The following SHISA7 variants were observed in gnomAD, a reference collection of about 807,000 sequenced individuals.
SHISA7 encodes the protein protein shisa-7.
SHISA7 carries 6 observed loss-of-function variants against 23.9 expected under a neutral mutation model. That is an observed-to-expected ratio of 0.25 (90% CI 0.14 to 0.50). SHISA7 has a LOEUF of 0.50. SHISA7 is among the 20% of genes least tolerant of loss of function. The probability of loss-of-function intolerance (pLI) is 0.98; values close to 1 mark genes in which losing one functional copy is unlikely to be tolerated. For missense variants in SHISA7, 671 were observed against 801.1 expected (o/e 0.84, Z 1.96); for synonymous variants, 386 against 398.3 (o/e 0.97, Z 0.37).
At chr19:55,434,858 T>C (rs1342529213) in intron 3 of SHISA7, among the ~76,000 whole-genome samples, 2 of 90,636 alleles carry the variant, frequency 2.2e-5, no homozygotes, top group Non-Finnish European at 4.2e-5. Context: ...TGCGTGTGTG[T>C]ATATGTGGTG....
At position 55,442,825 on chromosome 19, in the gene SHISA7, G is replaced by T; in HGVS notation, c.39C>A (p.Ser13Arg). Residue 13 changes from serine to arginine, a missense_variant, in exon 1 of 4, where the codon AGC (serine) becomes AGA (arginine). Around this residue, in one of 5 missense-constraint regions of SHISA7, gnomAD observed 96 missense variants for 113.1 expected, o/e 0.85. Transcript: ENST00000376325. ...ACGGGCGCGCCCTGGCCTGGCCGGC[G>T]CTAGAGGCCAGGAGTACGAGGAGCA... ...ALLLLVLLAS[S>R]AGQARARPSN... The T allele has an allele frequency of 7.2e-7, 1 of 1,389,692 alleles. No individual in the cohort carries two copies. The highest frequency in any genetic ancestry group is 9.3e-7 in the Non-Finnish European group (1 of 1,072,992). 86.1% of individuals were successfully genotyped at this position (1,389,692 alleles called of 1,614,324 possible).
In SHISA7 at chr19:55,429,938, C is replaced by CG. The variant is rs1277879537; in HGVS notation, c.*3217dup. 1 of 152,238 alleles carries CG rather than the reference C, an allele frequency of 6.6e-6. No homozygotes were observed. Among genetic ancestry groups the CG allele is most frequent in the Admixed American group, 6.6e-5 (1 of 15,266 alleles). 9.4% of individuals were successfully genotyped at this position (152,238 alleles called of 1,614,324 possible). ...CGGTCACCAGCTTTGACCTATCCCG[C>CG]GGGGGTCAGGGATCTCTGAGGAGAA... On this transcript the variant is annotated 3_prime_UTR_variant, in exon 4 of 4. Transcript: ENST00000376325.
chr19:55,435,954 ATG>A (rs113452084), intron 3 of SHISA7, among the ~76,000 whole-genome samples: 15,002 of 70,382 alleles, frequency 0.21, 1,453 homozygotes, highest in African/African-American at 0.36. Flanking sequence ...AAATATACAC[ATG>A]TGTGTGTGTG....
At position 55,442,636 on chromosome 19, in the gene SHISA7, G is replaced by T; in HGVS notation, c.228C>A (p.Pro76=). 1 of 1,357,204 alleles carries T rather than the reference G, an allele frequency of 7.4e-7. No individual in the cohort carries two copies. Among genetic ancestry groups the T allele is most frequent in the Non-Finnish European group, 9.6e-7 (1 of 1,040,290 alleles). 84.1% of individuals were successfully genotyped at this position (1,357,204 alleles called of 1,614,324 possible). A position where few individuals can be genotyped will look rare whatever the true frequency, so the allele number is the denominator to read the frequency against. The part of the protein sequence containing the change: ...AGGAGAAARA[P]PPAELCHGYY... The stretch of plus-strand genomic sequence containing the variant: ...AGCCGTGGCAGAGCTCGGCGGGAGG[G>T]GGCGCCCGGGCCGCCGCGCCCGCCC... The change falls in exon 1 of 4, where the codon CCC becomes CCA. Residue 76 remains proline (P), a synonymous_variant. Transcript: ENST00000376325.
chr19:55,437,591 T>C lies in SHISA7; in HGVS notation c.976+14A>G. 1 of 1,549,246 alleles carries C rather than the reference T, an allele frequency of 6.5e-7. No individual in the cohort carries two copies. The highest frequency in any genetic ancestry group is 1.2e-5 in the South Asian group (1 of 83,850). ...CCTCCCCTTCACCGCCGCGCTGCCC[T>C]TGCCAGGACTCACCCAGCCTCTTGA... On this transcript the variant is annotated intron_variant, in intron 3 of 3. Coordinates refer to ENST00000376325, the MANE Select transcript of SHISA7 (RefSeq NM_001145176.2).
chr19:55,433,934 C>A lies in SHISA7; in HGVS notation c.977-138G>T. 1 of 997,862 alleles carries A rather than the reference C, an allele frequency of 1.0e-6. No individual in the cohort carries two copies. The highest frequency in any genetic ancestry group is 1.3e-6 in the Non-Finnish European group (1 of 752,628). 61.8% of individuals were successfully genotyped at this position (997,862 alleles called of 1,614,324 possible). A position where few individuals can be genotyped will look rare whatever the true frequency, so the allele number is the denominator to read the frequency against. On this transcript the variant is annotated intron_variant, in intron 3 of 3. Transcript: ENST00000376325. The surrounding 1 kb of genome is among the most constrained non-coding windows in gnomAD (Gnocchi z 8.4). ...CTGGGCATCAGGCTAGCTGTGAGGC[C>A]AAAATGCAGATTCCCAGGCCCAGCC... is the stretch of plus-strand genomic sequence containing the variant.
intron 3 of SHISA7, among the ~76,000 whole-genome samples, chr19:55,436,158 G>A (rs1316871930): frequency 1.3e-5 from 2 of 151,734 alleles, no homozygotes; most frequent in Non-Finnish European, 2.9e-5. Flanking sequence ...GTGGTGGCAT[G>A]TGCCTGTAAT....
At position 55,433,450 on chromosome 19, in the gene SHISA7, G is replaced by T. The variant is rs1437949237; in HGVS notation, c.1323C>A (p.Pro441=). Residue 441 remains proline, a synonymous_variant, in exon 4 of 4, where the codon CCC becomes CCA. Transcript: ENST00000376325. The surrounding 1 kb of genome is among the most constrained non-coding windows in gnomAD (Gnocchi z 8.4). ...PPRSPALPPD[P]TARASLAASH... ...AGGCGGCCAGGCTGGCCCGGGCGGT[G>T]GGGTCGGGGGGCAGCGCGGGGCTGC... 1.5e-6 allele frequency: 2 copies of T among 1,340,376 alleles called. No individual in the cohort carries two copies. Among genetic ancestry groups the T allele is most frequent in the South Asian group, 3.8e-5 (2 of 52,304 alleles). The allele number at this position is 1,340,376 out of a possible 1,614,324, so 83.0% of individuals were successfully genotyped here. A position where few individuals can be genotyped will look rare whatever the true frequency, so the allele number is the denominator to read the frequency against.
intron 3 of SHISA7, among the ~76,000 whole-genome samples, chr19:55,434,622 T>G (rs1985339385): frequency 1.0e-5 from 1 of 96,608 alleles, no homozygotes; most frequent in African/African-American, 4.1e-5. Flanking sequence ...GTATGGCGTG[T>G]GTGTGTGGTG....
intron 3 of SHISA7, among the ~76,000 whole-genome samples, chr19:55,435,766 TAA>T (rs771028711): frequency 3.8e-4 from 49 of 130,288 alleles, no homozygotes; most frequent in Admixed American, 3.1e-4. Flanking sequence ...CTTGTCTCGT[TAA>T]AAAAAAAAAA....
chr19:55,434,437 TGTG>T (rs1457173854), intron 3 of SHISA7, among the ~76,000 whole-genome samples: 1 of 114,718 alleles, frequency 8.7e-6, no homozygotes, highest in Non-Finnish European at 1.7e-5. Flanking sequence ...GTGTGTGTGG[TGTG>T]TGTGTGTGGG....
intron 2 of SHISA7, chr19:55,438,717 C>A: frequency 2.7e-6 from 3 of 1,091,606 alleles, no homozygotes; most frequent in Non-Finnish European, 3.8e-6. Flanking sequence ...ACTCTGGCCC[C>A]AAGGTCGGCC....
Position 55,433,267 on chromosome 19 carries a change from G to C in SHISA7, c.1506C>G (p.Ala502=). The C allele has an allele frequency of 6.6e-7, 1 of 1,517,746 alleles. No individual in the cohort carries two copies. 94.0% of individuals were successfully genotyped at this position (1,517,746 alleles called of 1,614,324 possible). A position where few individuals can be genotyped will look rare whatever the true frequency, so the allele number is the denominator to read the frequency against. ...CCTGGCGCTGGAAGGGCGGCCTGCG[G>C]GCCAGTGTGCCCCCGCCCCCGCCGG... ...SDAGGGGGTL[A]RRPPFQRQGT... is the part of the protein sequence containing the mutation. Residue 502 remains alanine (A), a synonymous_variant, in exon 4 of 4, where the codon GCC becomes GCG. Transcript: ENST00000376325. The surrounding 1 kb of genome is among the most constrained non-coding windows in gnomAD (Gnocchi z 8.4).
chr19:55,433,733 A>G lies in SHISA7; in HGVS notation c.1040T>C (p.Leu347Pro). 6.8e-7 allele frequency: 1 copy of G among 1,467,640 alleles called. No individual in the cohort carries two copies. Among genetic ancestry groups the G allele is most frequent in the Non-Finnish European group, 8.9e-7 (1 of 1,118,300 alleles). 90.9% of individuals were successfully genotyped at this position (1,467,640 alleles called of 1,614,324 possible). ...RRPLELPRGT[L>P]PLHALRRPGT... The stretch of plus-strand genomic sequence containing the variant: ...CGGCCGCCGCAGCGCGTGCAGGGGC[A>G]GCGTGCCGCGGGGCAATTCCAGGGG... Residue 347 changes from leucine to proline, a missense_variant, in exon 4 of 4, where the codon CTG becomes CCG. Leu to Pro is a moderately conservative substitution (Grantham distance 98). Coordinates refer to ENST00000376325, the MANE Select transcript of SHISA7 (RefSeq NM_001145176.2). This position sits in a 1 kb window ranked among gnomAD's most constrained non-coding sequence, Gnocchi z 8.4.
chr19:55,433,092 T>C lies in SHISA7; in HGVS notation c.*64A>G. 6.8e-7 allele frequency: 1 copy of C among 1,467,996 alleles called. No individual in the cohort carries two copies. Among genetic ancestry groups the C allele is most frequent in the Non-Finnish European group, 9.0e-7 (1 of 1,116,678 alleles). 90.9% of individuals were successfully genotyped at this position (1,467,996 alleles called of 1,614,324 possible). ...GGCCCCTGGCATGTGTGCGCCTGTG[T>C]CGGGGGATCCAGGCTGGGACGGGGG... On this transcript the variant is annotated 3_prime_UTR_variant, in exon 4 of 4. Transcript: ENST00000376325. This position sits in a 1 kb window ranked among gnomAD's most constrained non-coding sequence, Gnocchi z 8.4.
At position 55,443,080 on chromosome 19, in the gene SHISA7, T is replaced by C. The variant is rs1263937086; in HGVS notation, c.-217A>G. 6.7e-6 allele frequency among the ~76,000 whole-genome samples: 1 copy of C among 149,882 alleles called. No homozygotes were observed. Among genetic ancestry groups the C allele is most frequent in the Non-Finnish European group, 1.5e-5 (1 of 67,478 alleles). On this transcript the variant is annotated 5_prime_UTR_variant, in exon 1 of 4. Transcript: ENST00000376325. ...GGGAGCTGAGCTGCGTGGGCCCAAG[T>C]TGGCCGCCCCACGCGCGGTGGGCGA...
chr19:55,433,806 G>T lies in SHISA7; in HGVS notation c.977-10C>A. On this transcript the variant is annotated splice_polypyrimidine_tract_variant and intron_variant, in intron 3 of 3. Coordinates refer to ENST00000376325, the MANE Select transcript of SHISA7 (RefSeq NM_001145176.2). The surrounding 1 kb of genome is among the most constrained non-coding windows in gnomAD (Gnocchi z 8.4). ...TCCAGATCCTTCTCGGCTGCGGGGA[G>T]AGGGGGAAAAGCCACAGCCGTGGGT... is the stretch of plus-strand genomic sequence containing the variant. 7.2e-7 allele frequency: 1 copy of T among 1,389,848 alleles called. No individual in the cohort carries two copies. The highest frequency in any genetic ancestry group is 9.2e-7 in the Non-Finnish European group (1 of 1,081,114). 86.1% of individuals were successfully genotyped at this position (1,389,848 alleles called of 1,614,324 possible). A position where few individuals can be genotyped will look rare whatever the true frequency, so the allele number is the denominator to read the frequency against.
Position 55,440,561 on chromosome 19 carries a change from A to AG in SHISA7, c.826+49dup. ...CATGGAGGGCGGGGCTACATGATGA[A>AG]GGGGCGTGGCCAGAGACGGAGGCTG... is the stretch of plus-strand genomic sequence containing the variant. On this transcript the variant is annotated intron_variant, in intron 2 of 3. Transcript: ENST00000376325. 4.8e-6 allele frequency: 6 copies of AG among 1,247,942 alleles called. No individual in the cohort carries two copies. In the South Asian group the frequency reaches 2.5e-4, roughly 51 times the overall value. The allele number at this position is 1,247,942 out of a possible 1,614,324, so 77.3% of individuals were successfully genotyped here. A position where few individuals can be genotyped will look rare whatever the true frequency, so the allele number is the denominator to read the frequency against.
chr19:55,442,102 A>G, intron 1 of SHISA7, 91 bp downstream of exon 1: 4 of 1,279,074 alleles, frequency 3.1e-6, no homozygotes, highest in South Asian at 3.0e-5. Flanking sequence ...ACCACGCCCT[A>G]TCCCTGCAGC....
Sources: allele counts gnomAD v4.1 joint callset (sites outside exome capture counted in the v4.1 genomes callset), GRCh38; gene constraint gnomAD v4.1.1; regional missense constraint gnomAD v4.1.1; non-coding constraint Gnocchi (gnomAD v3.1); transcripts MANE v1.5; gene names NCBI Gene and HGNC (gene_info 2026-07-23, HGNC 2026-07-21).